The following INVS variants were observed in gnomAD, a reference collection of about 807,000 sequenced individuals.
INVS encodes inversion of embryo turning homolog.
Under a neutral mutation model 108.8 loss-of-function variants are expected in INVS, and 86 were observed. The ratio of observed to expected loss-of-function variants is 0.79; its 90% confidence interval spans 0.66 to 0.95. The LOEUF is 0.95. Ranked by LOEUF, INVS falls within the 40% of genes least tolerant of loss-of-function variation. The pLI is 0.00. For synonymous variants in INVS, 455 were observed against 473.5 expected (o/e 0.96, Z 0.51); for missense variants, 1,169 against 1,297.4 (o/e 0.90, Z 1.52).
At chr9:100,105,850 C>CAT (rs1827158482) in intron 2 of INVS, among the ~76,000 whole-genome samples, 3 of 63,832 alleles carry the variant, frequency 4.7e-5, no homozygotes, top group East Asian at 7.5e-4. Context: ...GAAAAATTCC[C>CAT]TTTTTTTTTT....
chr9:100,208,471 C>G (rs1830739038), intron 3 of INVS, among the ~76,000 whole-genome samples: 1 of 152,136 alleles, frequency 6.6e-6, no homozygotes, highest in Admixed American at 6.5e-5. Flanking sequence ...CTAAGAAATC[C>G]CATCCATAGT....
intron 13 of INVS, among the ~76,000 whole-genome samples, chr9:100,289,413 A>T (rs562834658): frequency 2.0e-5 from 3 of 152,352 alleles, no homozygotes; most frequent in East Asian, 3.9e-4. Context: ...TCTTTTATAG[A>T]TATAAATATC....
intron 10 of INVS, among the ~76,000 whole-genome samples, chr9:100,257,368 C>T (rs1439490441): frequency 6.6e-6 from 1 of 152,148 alleles, no homozygotes; most frequent in East Asian, 1.9e-4. Context: ...TCCAATTTGC[C>T]AGTCTGTGTC....
intron 3 of INVS, among the ~76,000 whole-genome samples, chr9:100,186,368 A>G (rs1830056565): frequency 6.6e-6 from 1 of 151,758 alleles, no homozygotes; most frequent in South Asian, 2.1e-4. Flanking sequence ...GGCCAGGCTG[A>G]TTTTGAACTC....
At position 100,104,635 on chromosome 9, in the gene INVS, G is replaced by C. The variant is rs767321347; in HGVS notation, c.106+8G>C. ...TACAGAGGCTCATCGTAGGTAAGCA[G>C]TCCCCTTAAGTACAGAAACTTTAAA... On this transcript the variant is annotated splice_region_variant and intron_variant, in intron 2 of 16. Transcript: ENST00000262457. 2 of 1,578,528 alleles carry C rather than the reference G, an allele frequency of 1.3e-6. No individual in the cohort carries two copies. Among genetic ancestry groups the C allele is most frequent in the South Asian group, 1.1e-5 (1 of 90,394 alleles).
chr9:100,120,637 T>A (rs1158373844), intron 2 of INVS: 1 of 152,290 alleles, frequency 6.6e-6, no homozygotes, highest in Non-Finnish European at 1.5e-5. Flanking sequence ...CAAATAACGA[T>A]GTCCTTTTTC....
chr9:100,219,347 C>T (rs531393689), intron 3 of INVS, among the ~76,000 whole-genome samples: 10 of 152,342 alleles, frequency 6.6e-5, no homozygotes, highest in African/African-American at 2.4e-4. Context: ...TGGTGCACGC[C>T]TGTAGCCCCA....
intron 12 of INVS, among the ~76,000 whole-genome samples, chr9:100,274,272 T>A (rs1387836591): frequency 6.6e-6 from 1 of 151,978 alleles, no homozygotes; most frequent in Non-Finnish European, 1.5e-5. Flanking sequence ...GCAGGAGAAT[T>A]GTCTGAACCT....
chr9:100,261,068 T>C (rs1184067150), intron 10 of INVS, among the ~76,000 whole-genome samples: 1 of 152,232 alleles, frequency 6.6e-6, no homozygotes, highest in African/African-American at 2.4e-5. Context: ...ACTTTTTTGC[T>C]AATTAAATTA....
chr9:100,280,506 AAG>A (rs976968367), intron 12 of INVS, among the ~76,000 whole-genome samples: 5 of 152,208 alleles, frequency 3.3e-5, no homozygotes, highest in Admixed American at 2.6e-4. Flanking sequence ...GGAAAAAAAA[AAG>A]AGAGTGAAAG....
intron 3 of INVS, among the ~76,000 whole-genome samples, chr9:100,215,901 G>A (rs1298041120): frequency 6.6e-6 from 1 of 152,164 alleles, no homozygotes; most frequent in African/African-American, 2.4e-5. Flanking sequence ...CATAAGTCTG[G>A]TATGCAGTGG....
chr9:100,268,708 T>A (rs974985489), intron 11 of INVS, among the ~76,000 whole-genome samples: 1 of 152,048 alleles, frequency 6.6e-6, no homozygotes, highest in Non-Finnish European at 1.5e-5. Context: ...AAATTTTTCA[T>A]AATAAAAATA....
At chr9:100,180,964 G>C (rs184622288) in intron 3 of INVS, among the ~76,000 whole-genome samples, 51 of 152,212 alleles carry the variant, frequency 3.4e-4, no homozygotes, top group African/African-American at 1.1e-3. Context: ...GGGATGCAAG[G>C]CTGGTTCAAC....
intron 16 of INVS, among the ~76,000 whole-genome samples, chr9:100,300,093 A>G (rs1407108965): frequency 2.6e-5 from 4 of 152,186 alleles, no homozygotes; most frequent in Admixed American, 1.3e-4. Context: ...GGCATCCTAT[A>G]CATTTGTTAA....
chr9:100,294,243 A>G (rs1270988181), intron 14 of INVS, among the ~76,000 whole-genome samples: 1 of 152,158 alleles, frequency 6.6e-6, no homozygotes, highest in Non-Finnish European at 1.5e-5. Flanking sequence ...GAGACAAGGC[A>G]AGGAAATAAT....
intron 3 of INVS, among the ~76,000 whole-genome samples, chr9:100,178,937 C>T (rs566610381): frequency 8.5e-5 from 13 of 152,322 alleles, no homozygotes; most frequent in African/African-American, 3.1e-4. Context: ...AACGGTGGAT[C>T]TCTCTACAGA....
chr9:100,293,110 G>C, intron 14 of INVS, 67 bp downstream of exon 14: 1 of 1,456,052 alleles, frequency 6.9e-7, no homozygotes, highest in South Asian at 1.1e-5. Flanking sequence ...TGACATCTGT[G>C]CTCTTTGATG....
At chr9:100,120,815 GC>G (rs966852888) in intron 2 of INVS, 25 of 152,154 alleles carry the variant, frequency 1.6e-4, no homozygotes, top group African/African-American at 5.8e-4. Context: ...GTTGTGAGAG[GC>G]CTCTGAATCA....
intron 7 of INVS, among the ~76,000 whole-genome samples, chr9:100,245,500 T>C (rs916536627): frequency 1.3e-5 from 2 of 152,116 alleles, no homozygotes; most frequent in African/African-American, 4.8e-5. Flanking sequence ...CAGGATGCTG[T>C]CAATCTCCTG....
Sources: gnomAD v4.1 joint callset for allele counts (sites outside exome capture counted in the v4.1 genomes callset) on GRCh38, gnomAD v4.1.1 for gene constraint, MANE v1.5 for transcripts, NCBI Gene and HGNC (gene_info 2026-07-23, HGNC 2026-07-21) for gene names.